FBXW10B: variants seen among roughly 807,000 people sequenced by gnomAD.
FBXW10B encodes the protein F-box and WD repeat domain containing 10B, also known as F-box and WD repeat domain containing protein 10B.
chr17:15,606,601 AT>A, the FBXW10B span, among the ~76,000 whole-genome samples: 1 of 129,606 alleles, frequency 7.7e-6, no homozygotes, highest in Non-Finnish European at 1.6e-5. Context: ...ATATACATAT[AT>A]TTTTATGTAT....
chr17:15,606,961 T>C, the FBXW10B span, among the ~76,000 whole-genome samples: 1 of 152,204 alleles, frequency 6.6e-6, no homozygotes, highest in Non-Finnish European at 1.5e-5. Context: ...TGGCAGAAAG[T>C]TGCTTATTAA....
At chr17:15,579,373 A>G in the FBXW10B span, among the ~76,000 whole-genome samples, 1 of 152,114 alleles carries the variant, frequency 6.6e-6, no homozygotes, top group South Asian at 2.1e-4. Flanking sequence ...ACTCTACAAT[A>G]TCTATAACTT....
chr17:15,589,666 A>C, the FBXW10B span, among the ~76,000 whole-genome samples: 1 of 152,142 alleles, frequency 6.6e-6, no homozygotes, highest in Admixed American at 6.5e-5. Flanking sequence ...CATTTTTACC[A>C]TCTGTAAGGG....
At chr17:15,601,919 T>C in the FBXW10B span, among the ~76,000 whole-genome samples, 3 of 152,120 alleles carry the variant, frequency 2.0e-5, no homozygotes, top group Non-Finnish European at 4.4e-5. Flanking sequence ...GAGACCATCC[T>C]GGCTAGCACA....
chr17:15,609,922 G>A, the FBXW10B span, among the ~76,000 whole-genome samples: 3 of 143,428 alleles, frequency 2.1e-5, no homozygotes, highest in South Asian at 2.2e-4. Context: ...GTGCAGTGGC[G>A]TGATCTCGGC....
At chr17:15,570,098 C>CAGGT in the FBXW10B span, among the ~76,000 whole-genome samples, 3 of 152,082 alleles carry the variant, frequency 2.0e-5, no homozygotes. Flanking sequence ...TTATACCTGG[C>CAGGT]AGGTAGCTAA....
chr17:15,579,598 T>C, the FBXW10B span, among the ~76,000 whole-genome samples: 1 of 152,186 alleles, frequency 6.6e-6, no homozygotes, highest in Non-Finnish European at 1.5e-5. Flanking sequence ...TTCAAAGTCA[T>C]TTATTGTGGA....
chr17:15,567,506 T>A, the FBXW10B span, among the ~76,000 whole-genome samples: 14 of 152,160 alleles, frequency 9.2e-5, no homozygotes, highest in Admixed American at 7.2e-4. Flanking sequence ...ACAATAGATT[T>A]TTTTATTACT....
At chr17:15,567,219 C>G in the FBXW10B span, among the ~76,000 whole-genome samples, 1 of 151,126 alleles carries the variant, frequency 6.6e-6, no homozygotes, top group Non-Finnish European at 1.5e-5. Context: ...TTGCAGTGAG[C>G]CGAGATCACG....
At chr17:15,584,153 T>C in the FBXW10B span, among the ~76,000 whole-genome samples, 3 of 152,238 alleles carry the variant, frequency 2.0e-5, no homozygotes, top group Non-Finnish European at 2.9e-5. Context: ...ACCCATAAGA[T>C]ATTTATCCCA....
the FBXW10B span, chr17:15,619,121 C>T: frequency 1.2e-6 from 2 of 1,613,958 alleles, no homozygotes; most frequent in Non-Finnish European, 8.5e-7. Flanking sequence ...CGCCTTGGTC[C>T]ACTGGGTGCT....
chr17:15,615,561 C>T, the FBXW10B span: 13 of 1,575,092 alleles, frequency 8.3e-6, no homozygotes, highest in Middle Eastern at 5.1e-4. Flanking sequence ...GATCTGCTTG[C>T]CTCGGCCTCC....
At chr17:15,573,690 CTGTT>C in the FBXW10B span, 1 of 158,412 alleles carries the variant, frequency 6.3e-6, no homozygotes, top group African/African-American at 2.4e-5. Flanking sequence ...TGCTGCTTGC[CTGTT>C]TGTTACTGAG....
the FBXW10B span, chr17:15,619,440 G>A: frequency 4.3e-6 from 7 of 1,613,984 alleles, no homozygotes; most frequent in East Asian, 2.2e-5. Context: ...TTCCGGCATA[G>A]AGGGATGGAA....
the FBXW10B span, among the ~76,000 whole-genome samples, chr17:15,590,680 CT>C: frequency 6.7e-6 from 1 of 150,144 alleles, no homozygotes; most frequent in African/African-American, 2.5e-5. Context: ...GTCCTCTTCC[CT>C]CTTATTTCCC....
At chr17:15,593,449 A>G in the FBXW10B span, 1 of 1,614,148 alleles carries the variant, frequency 6.2e-7, no homozygotes, top group East Asian at 2.2e-5. Context: ...CCATCTGCAC[A>G]GGCGCTGATG....
the FBXW10B span, among the ~76,000 whole-genome samples, chr17:15,601,896 A>T: frequency 6.6e-6 from 1 of 152,168 alleles, no homozygotes; most frequent in Non-Finnish European, 1.5e-5. Context: ...GCAAATCACG[A>T]GGTCAGGAGA....
At chr17:15,593,687 G>T in the FBXW10B span, among the ~76,000 whole-genome samples, 1 of 150,112 alleles carries the variant, frequency 6.7e-6, no homozygotes, top group Non-Finnish European at 1.5e-5. Flanking sequence ...GGAGTGCAAC[G>T]GTGCGATCTT....
At chr17:15,593,301 T>TC in the FBXW10B span, 1 of 1,609,816 alleles carries the variant, frequency 6.2e-7, no homozygotes, top group African/African-American at 1.3e-5. Context: ...TCCAACAGAA[T>TC]CACTCACAGT....
Sources: gnomAD v4.1 joint callset for allele counts (sites outside exome capture counted in the v4.1 genomes callset) on GRCh38, gnomAD v4.1.1 for gene constraint, MANE v1.5 for transcripts, NCBI Gene and HGNC (gene_info 2026-07-23, HGNC 2026-07-21) for gene names.